The following BMPER variants were observed in gnomAD, a reference collection of about 807,000 sequenced individuals.
BMPER encodes the protein BMP-binding endothelial regulator protein.
In BMPER, 45 loss-of-function variants were observed where a neutral mutation model predicts 87.3. The observed-to-expected ratio is 0.52, with a 90% confidence interval of 0.41 to 0.66. The LOEUF (loss-of-function observed/expected upper bound fraction) is 0.66, where lower values mean the gene tolerates loss of function less well. BMPER is among the 30% of genes least tolerant of loss of function. The pLI, the probability that BMPER is intolerant of heterozygous loss-of-function variation, is 0.00. For missense variants in BMPER, 784 were observed against 867.5 expected (o/e 0.90, Z 1.21); for synonymous variants, 326 against 316.2 (o/e 1.03, Z -0.33).
chr7:33,911,833 T>C (rs1482602080), intron 2 of BMPER, among the ~76,000 whole-genome samples: 2 of 152,196 alleles, frequency 1.3e-5, no homozygotes, highest in Non-Finnish European at 2.9e-5. Context: ...TTTATTGCTG[T>C]TGTTGATGAT....
At chr7:34,045,165 C>T (rs1188844422) in intron 6 of BMPER, among the ~76,000 whole-genome samples, 4 of 152,130 alleles carry the variant, frequency 2.6e-5, no homozygotes, top group East Asian at 1.9e-4. Flanking sequence ...ATTGAAATTC[C>T]ACTTGCTGAG....
At chr7:33,932,085 T>G (rs1031617946) in intron 2 of BMPER, among the ~76,000 whole-genome samples, 1 of 152,204 alleles carries the variant, frequency 6.6e-6, no homozygotes, top group African/African-American at 2.4e-5. Context: ...GCTTTGTTTT[T>G]CAGCTTTAGA....
intron 6 of BMPER, among the ~76,000 whole-genome samples, chr7:34,004,054 C>T (rs949825261): frequency 3.3e-5 from 5 of 152,084 alleles, no homozygotes; most frequent in South Asian, 2.1e-4. Context: ...CACTTAGTAG[C>T]GTTCCACACA....
intron 8 of BMPER, 142 bp from the exon 9 acceptor site, chr7:34,055,021 A>G: frequency 8.2e-7 from 1 of 1,220,090 alleles, no homozygotes; most frequent in Non-Finnish European, 1.2e-6. Context: ...GAAGTGAATG[A>G]AAGATTTATT....
chr7:34,014,249 T>C (rs1411866977), intron 6 of BMPER, among the ~76,000 whole-genome samples: 1 of 151,888 alleles, frequency 6.6e-6, no homozygotes, highest in East Asian at 1.9e-4. Flanking sequence ...GAAAGGCAAG[T>C]AGAGGAGATC....
intron 13 of BMPER, among the ~76,000 whole-genome samples, chr7:34,139,517 T>C (rs1790809007): frequency 1.3e-5 from 2 of 152,260 alleles, no homozygotes; most frequent in African/African-American, 4.8e-5. Flanking sequence ...TGCCTGACTC[T>C]TTGGGTTTCT....
At chr7:34,032,520 C>T (rs1330521512) in intron 6 of BMPER, among the ~76,000 whole-genome samples, 1 of 152,136 alleles carries the variant, frequency 6.6e-6, no homozygotes, top group Non-Finnish European at 1.5e-5. Context: ...TTGATGCAGA[C>T]ACCTCACATA....
chr7:34,023,901 G>A (rs1331878974), intron 6 of BMPER, among the ~76,000 whole-genome samples: 1 of 151,844 alleles, frequency 6.6e-6, no homozygotes, highest in East Asian at 2.0e-4. Context: ...AATTTAAGAT[G>A]TAAAAGAATA....
At chr7:33,929,273 G>T (rs1215930939) in intron 2 of BMPER, among the ~76,000 whole-genome samples, 1 of 152,152 alleles carries the variant, frequency 6.6e-6, no homozygotes, top group African/African-American at 2.4e-5. Context: ...TTAACATTAA[G>T]TCTACAAAAT....
chr7:34,102,332 C>T (rs950755315), intron 13 of BMPER, among the ~76,000 whole-genome samples: 4 of 152,176 alleles, frequency 2.6e-5, no homozygotes, highest in African/African-American at 9.7e-5. Context: ...ATTTCTAAAC[C>T]AATCACCCTA....
intron 13 of BMPER, among the ~76,000 whole-genome samples, chr7:34,119,014 T>TCTCTCTCTCACACACACACACA (rs66493349): frequency 5.9e-5 from 8 of 135,792 alleles, no homozygotes; most frequent in African/African-American, 2.1e-4. Flanking sequence ...TCTCTCTCTC[T>TCTCTCTCTCACACACACACACA]CACACACACA....
intron 6 of BMPER, among the ~76,000 whole-genome samples, chr7:34,001,007 A>C (rs2127934989): frequency 6.6e-6 from 1 of 152,018 alleles, no homozygotes; most frequent in Admixed American, 6.5e-5. Flanking sequence ...TCATATTTTA[A>C]ACCAACCTTA....
intron 6 of BMPER, among the ~76,000 whole-genome samples, chr7:33,985,455 A>G (rs1242655037): frequency 1.3e-5 from 2 of 152,218 alleles, no homozygotes; most frequent in Non-Finnish European, 2.9e-5. Flanking sequence ...GAATAATGTG[A>G]CAGATATCTT....
intron 8 of BMPER, among the ~76,000 whole-genome samples, chr7:34,054,684 C>A (rs1230976794): frequency 6.6e-6 from 1 of 152,192 alleles, no homozygotes; most frequent in Non-Finnish European, 1.5e-5. Context: ...CTTGAGGAAT[C>A]TTGTCCTGAG....
Position 34,153,468 on chromosome 7 carries a change from T to C in BMPER, c.*195T>C. 1.7e-6 allele frequency: 1 copy of C among 606,038 alleles called. No individual in the cohort carries two copies. The highest frequency in any genetic ancestry group is 3.0e-5 in the East Asian group (1 of 33,738). The allele number at this position is 606,038 out of a possible 1,614,324, so 37.5% of individuals were successfully genotyped here. A position where few individuals can be genotyped will look rare whatever the true frequency, so the allele number is the denominator to read the frequency against. On this transcript the variant is annotated 3_prime_UTR_variant, in exon 15 of 15. Transcript: ENST00000649409. ...AACTATAGGGGGATTATTATATGTA[T>C]ATTTTTTGCTATAAGACATGTATTG...
intron 6 of BMPER, among the ~76,000 whole-genome samples, chr7:34,006,811 T>G (rs918894610): frequency 2.6e-5 from 4 of 152,102 alleles, no homozygotes; most frequent in African/African-American, 9.7e-5. Context: ...TAGTTTGATC[T>G]GTAGTGCAAA....
chr7:33,937,404 G>A lies in BMPER; in HGVS notation c.319+16G>A. 2 of 1,609,978 alleles carry A rather than the reference G, an allele frequency of 1.2e-6. No homozygotes were observed. The highest frequency in any genetic ancestry group is 1.7e-6 in the Non-Finnish European group (2 of 1,176,244). ...CAGTGCAAAGGTGATTGATGTCTTG[G>A]CCGTCTTCTCTTCTGGCTGCTGCTT... On this transcript the variant is annotated intron_variant, in intron 3 of 14. Coordinates refer to ENST00000649409, the MANE Select transcript of BMPER (RefSeq NM_001365308.1).
chr7:34,135,444 A>G (rs1386928585), intron 13 of BMPER, among the ~76,000 whole-genome samples: 1 of 152,104 alleles, frequency 6.6e-6, no homozygotes, highest in Non-Finnish European at 1.5e-5. Context: ...GATTATGAGG[A>G]TTTGGATCCC....
chr7:34,142,691 A>T (rs1790904437), intron 13 of BMPER, among the ~76,000 whole-genome samples: 1 of 152,218 alleles, frequency 6.6e-6, no homozygotes, highest in African/African-American at 2.4e-5. Flanking sequence ...ACAGAAGTGA[A>T]TTCTAATCGT....
Sources: gnomAD v4.1 joint callset for allele counts (sites outside exome capture counted in the v4.1 genomes callset) on GRCh38, gnomAD v4.1.1 for gene constraint, MANE v1.5 for transcripts, NCBI Gene and HGNC (gene_info 2026-07-23, HGNC 2026-07-21) for gene names.